TRPC5: variants seen among roughly 807,000 people sequenced by gnomAD.
TRPC5 encodes the protein transient receptor potential cation channel subfamily C member 5.
In TRPC5, 9 loss-of-function variants were observed where a neutral mutation model predicts 56.5. The observed-to-expected ratio is 0.16, with a 90% CI of 0.10 to 0.28. TRPC5 has a LOEUF of 0.28. Ranked by LOEUF, TRPC5 falls within the 10% of genes least tolerant of loss-of-function variation. TRPC5 has a pLI of 1.00. For missense variants in TRPC5, 469 were observed against 748.9 expected, an observed-to-expected ratio of 0.63 and a Z score of 4.36; for synonymous variants, 282 against 278.5, an observed-to-expected ratio of 1.01 and a Z score of -0.13.
At chrX:111,992,914 T>A (rs1167661559) in intron 1 of TRPC5, among the ~76,000 whole-genome samples, 1 of 110,646 alleles carries the variant, frequency 9.0e-6, no homozygotes, top group Admixed American at 9.7e-5. Flanking sequence ...TATTATTATT[T>A]ATTATACTTT....
At chrX:111,871,903 T>C (rs898554761) in intron 3 of TRPC5, among the ~76,000 whole-genome samples, 1 of 111,939 alleles carries the variant, frequency 8.9e-6, no homozygotes, top group African/African-American at 3.3e-5. Context: ...TGAATGGCTG[T>C]TCTTGCAGGA....
intron 5 of TRPC5, 82 bp from the exon 6 acceptor site, chrX:111,847,518 C>T (rs1922966537): frequency 1.2e-6 from 1 of 868,438 alleles, no homozygotes; most frequent in African/African-American, 2.0e-5. Context: ...CTTCCATACC[C>T]AAACAAAGCC....
chrX:111,796,905 C>T (rs1248575329), intron 7 of TRPC5, among the ~76,000 whole-genome samples: 1 of 112,022 alleles, frequency 8.9e-6, no homozygotes, highest in East Asian at 2.8e-4. Flanking sequence ...TTTTATCAGC[C>T]TCTTTTTAGC....
At chrX:111,883,614 G>C (rs1235930202) in intron 3 of TRPC5, among the ~76,000 whole-genome samples, 2 of 112,471 alleles carry the variant, frequency 1.8e-5, no homozygotes, top group East Asian at 5.6e-4. Flanking sequence ...ATAAAGTATA[G>C]CCAAGGACTA....
At chrX:112,047,368 C>G (rs1311982431) in intron 1 of TRPC5, among the ~76,000 whole-genome samples, 1 of 111,255 alleles carries the variant, frequency 9.0e-6, no homozygotes, top group Non-Finnish European at 1.9e-5. Flanking sequence ...GGCCTCACCC[C>G]CAGAATTTCT....
intron 1 of TRPC5, among the ~76,000 whole-genome samples, chrX:111,963,644 G>C (rs970766792): frequency 5.4e-5 from 6 of 111,398 alleles, no homozygotes; most frequent in African/African-American, 2.0e-4. Flanking sequence ...GGAACAATCA[G>C]GCAGCAGCAT....
chrX:112,049,008 G>A (rs1930141703), intron 1 of TRPC5, among the ~76,000 whole-genome samples: 1 of 111,946 alleles, frequency 8.9e-6, no homozygotes, highest in South Asian at 3.7e-4. Flanking sequence ...ATTAAAAGAA[G>A]CACTGGAAAC....
chrX:111,928,258 A>C (rs917292), intron 2 of TRPC5, among the ~76,000 whole-genome samples: 7,836 of 111,636 alleles, frequency 0.07, 209 homozygotes, highest in African/African-American at 0.085. Context: ...TCATTTAAAA[A>C]ATATATAACT....
intron 7 of TRPC5, among the ~76,000 whole-genome samples, chrX:111,828,550 G>A (rs893462905): frequency 7.2e-5 from 8 of 111,684 alleles, no homozygotes; most frequent in East Asian, 2.8e-4. Flanking sequence ...TCATAGCAGC[G>A]TGAGAACAGA....
At chrX:112,058,221 C>A (rs1435736489) in intron 1 of TRPC5, among the ~76,000 whole-genome samples, 1 of 111,943 alleles carries the variant, frequency 8.9e-6, no homozygotes, top group African/African-American at 3.2e-5. Flanking sequence ...GCAGACTTAC[C>A]CTGACATTCA....
chrX:111,964,161 G>A lies in TRPC5; in HGVS notation c.-21-11720C>T, dbSNP rs996647600. Among the ~76,000 whole-genome samples, 76 of 112,238 alleles carry A rather than the reference G, an allele frequency of 6.8e-4. 1 individual carries two copies. Among genetic ancestry groups the A allele is most frequent in the Non-Finnish European group, 1.0e-3 (54 of 53,292 alleles). On this transcript the variant is annotated intron_variant, in intron 1 of 10. Transcript: ENST00000262839. ...GATGGAGCTGAAAGCCAAGGCTCGA[G>A]AACTACGTGAAGAATGCAGAAGCCT...
In TRPC5 at chrX:112,024,644, A is replaced by G. The variant is rs142742059; in HGVS notation, c.-22+57235T>C. Among the ~76,000 whole-genome samples, 435 of 111,741 alleles carry G rather than the reference A, an allele frequency of 3.9e-3. 1 individual carries two copies. The highest frequency in any genetic ancestry group is 0.014 in the Middle Eastern group (3 of 218). On this transcript the variant is annotated intron_variant, in intron 1 of 10. Coordinates refer to ENST00000262839, the MANE Select transcript of TRPC5 (RefSeq NM_012471.3). ...AGTCAATTTTTTAATAAGTGCCTGC[A>G]GAGGCCCCTGACTAATACACCTACC... is the stretch of plus-strand genomic sequence containing the variant.
chrX:111,826,194 A>C (rs1922231746), intron 7 of TRPC5, among the ~76,000 whole-genome samples: 1 of 112,120 alleles, frequency 8.9e-6, no homozygotes, highest in African/African-American at 3.2e-5. Context: ...TATTCTTGTG[A>C]TAATAGTGCT....
chrX:111,817,248 G>A (rs761325335), intron 7 of TRPC5, among the ~76,000 whole-genome samples: 1 of 110,423 alleles, frequency 9.1e-6, no homozygotes, highest in Non-Finnish European at 1.9e-5. Context: ...TAGACAGCCA[G>A]TACCTCATAT....
intron 1 of TRPC5, among the ~76,000 whole-genome samples, chrX:112,077,517 G>T (rs1331380842): frequency 9.0e-6 from 1 of 111,330 alleles, no homozygotes. Context: ...TTATTCAGTC[G>T]GTCTGGGGAA....
chrX:111,840,069 T>C (rs984606409), intron 6 of TRPC5, among the ~76,000 whole-genome samples: 1 of 111,317 alleles, frequency 9.0e-6, no homozygotes. Context: ...ACTCGGGAGG[T>C]TGAGGCAGGA....
intron 2 of TRPC5, among the ~76,000 whole-genome samples, chrX:111,914,240 A>G (rs1237119338): frequency 8.9e-6 from 1 of 112,273 alleles, no homozygotes; most frequent in Non-Finnish European, 1.9e-5. Flanking sequence ...TGGGTAGGAC[A>G]GACCATGGAT....
chrX:111,771,756 T>C lies in TRPC5; in HGVS notation c.*4557A>G, dbSNP rs1416344161. On this transcript the variant is annotated 3_prime_UTR_variant, in exon 11 of 11. Transcript: ENST00000262839. ...TGTATATTTAAGTCTTCCAGGTAAG[T>C]TATTCTGACCTAAATGCTTTTTTTT... is the stretch of plus-strand genomic sequence containing the variant. Among the ~76,000 whole-genome samples the C allele has an allele frequency of 9.3e-6, 1 of 107,998 alleles. No individual in the cohort carries two copies. Among genetic ancestry groups the C allele is most frequent in the Admixed American group, 9.8e-5 (1 of 10,168 alleles). 93.8% of individuals were successfully genotyped at this position (107,998 alleles called of 115,157 possible).
intron 7 of TRPC5, among the ~76,000 whole-genome samples, chrX:111,805,672 A>G (rs1240800318): frequency 9.0e-6 from 1 of 111,211 alleles, no homozygotes; most frequent in Non-Finnish European, 1.9e-5. Flanking sequence ...CTATCTATCT[A>G]TAGATATAGA....
Sources: allele counts gnomAD v4.1 joint callset (sites outside exome capture counted in the v4.1 genomes callset), GRCh38; gene constraint gnomAD v4.1.1; transcripts MANE v1.5; gene names NCBI Gene and HGNC (gene_info 2026-07-23, HGNC 2026-07-21).